AMMECR1: variants seen among roughly 807,000 people sequenced by gnomAD.
AMMECR1 encodes nuclear protein AMMECR1.
A neutral mutation model predicts 22.5 loss-of-function variants in AMMECR1; 3 were observed. The ratio of observed to expected loss-of-function variants is 0.13; its 90% confidence interval spans 0.06 to 0.35. The LOEUF is 0.35. Ranked by LOEUF, AMMECR1 falls within the 10% of genes least tolerant of loss-of-function variation. The pLI, the probability that AMMECR1 is intolerant of heterozygous loss-of-function variation, is 1.00. For missense variants in AMMECR1, 235 were observed against 278.7 expected (o/e 0.84, Z 1.12); for synonymous variants, 130 against 116.7 (o/e 1.11, Z -0.74).
chrX:110,295,357 C>T (rs755508687), intron 1 of AMMECR1, among the ~76,000 whole-genome samples: 21 of 111,404 alleles, frequency 1.9e-4, no homozygotes, highest in African/African-American at 6.2e-4. Flanking sequence ...TGCTTGAGTA[C>T]TGCAACTCCC....
intron 2 of AMMECR1, among the ~76,000 whole-genome samples, chrX:110,219,785 G>A (rs760000517): frequency 3.6e-5 from 4 of 112,172 alleles, no homozygotes; most frequent in African/African-American, 1.3e-4. Flanking sequence ...TGATTTTACA[G>A]AGACATTTAA....
chrX:110,416,340 G>A (rs942360883), intron 2 of AMMECR1, among the ~76,000 whole-genome samples: 4 of 112,072 alleles, frequency 3.6e-5, no homozygotes, highest in African/African-American at 9.7e-5. Flanking sequence ...TTGATTTAAC[G>A]AACCGTTGTT....
intron 2 of AMMECR1, among the ~76,000 whole-genome samples, chrX:110,250,313 G>C (rs763687809): frequency 4.1e-4 from 46 of 111,777 alleles, no homozygotes; most frequent in Non-Finnish European, 8.1e-4. Context: ...TGACATTGTT[G>C]GGATCACTAA....
At chrX:110,381,256 G>C (rs766833722) in intron 2 of AMMECR1, among the ~76,000 whole-genome samples, 10 of 112,063 alleles carry the variant, frequency 8.9e-5, no homozygotes, top group Non-Finnish European at 1.5e-4. Flanking sequence ...CCATTGAAAA[G>C]AGGGCAAAGG....
chrX:110,317,459 G>T, intron 1 of AMMECR1, 140 bp downstream of exon 1: 1 of 1,023,067 alleles, frequency 9.8e-7, no homozygotes, highest in Non-Finnish European at 1.3e-6. Flanking sequence ...GGTGCCCTTA[G>T]TTCAGTTGAG....
chrX:110,408,671 C>T (rs767058770), intron 2 of AMMECR1, among the ~76,000 whole-genome samples: 1 of 112,235 alleles, frequency 8.9e-6, no homozygotes, highest in African/African-American at 3.2e-5. Context: ...ATCATGTCAA[C>T]AATTGTGATG....
chrX:110,248,344 C>G (rs949850522), intron 2 of AMMECR1, among the ~76,000 whole-genome samples: 3 of 110,306 alleles, frequency 2.7e-5, no homozygotes, highest in African/African-American at 9.9e-5. Context: ...TGTGATTGCA[C>G]TACTGTACTC....
intron 1 of AMMECR1, among the ~76,000 whole-genome samples, chrX:110,269,510 A>G (rs2067787350): frequency 9.9e-6 from 1 of 101,132 alleles, no homozygotes; most frequent in Admixed American, 1.1e-4. Flanking sequence ...TAGGGTACTC[A>G]ACAAGGTTAT....
At chrX:110,352,504 T>C (rs980200183) in intron 2 of AMMECR1, among the ~76,000 whole-genome samples, 9 of 112,162 alleles carry the variant, frequency 8.0e-5, no homozygotes, top group Admixed American at 2.8e-4. Context: ...CATATCTATA[T>C]TGGCAGGAAG....
At chrX:110,428,850 G>T (rs888267541) in intron 1 of AMMECR1, among the ~76,000 whole-genome samples, 1 of 112,131 alleles carries the variant, frequency 8.9e-6, no homozygotes, top group Non-Finnish European at 1.9e-5. Context: ...TATAATCAAG[G>T]ATTTCAAGAT....
intron 2 of AMMECR1, among the ~76,000 whole-genome samples, chrX:110,334,976 A>G (rs2068135562): frequency 8.9e-6 from 1 of 112,024 alleles, no homozygotes; most frequent in African/African-American, 3.2e-5. Context: ...GCACCATTGC[A>G]CACTGATGGT....
intron 2 of AMMECR1, among the ~76,000 whole-genome samples, chrX:110,351,350 A>ACAATTTC (rs2068210520): frequency 1.8e-5 from 2 of 112,291 alleles, no homozygotes; most frequent in African/African-American, 6.5e-5. Context: ...AAAACTTACT[A>ACAATTTC]AAAAGCTACA....
At chrX:110,410,053 G>A (rs1047492788) in intron 2 of AMMECR1, among the ~76,000 whole-genome samples, 1 of 111,949 alleles carries the variant, frequency 8.9e-6, no homozygotes, top group African/African-American at 3.2e-5. Flanking sequence ...TATCACTGGT[G>A]ATTTTGATGA....
At chrX:110,395,196 G>A (rs773297922) in intron 2 of AMMECR1, among the ~76,000 whole-genome samples, 5 of 112,158 alleles carry the variant, frequency 4.5e-5, no homozygotes, top group Admixed American at 9.4e-5. Context: ...TTCCGAGGGT[G>A]CCCCCACACC....
chrX:110,271,901 T>G (rs1345467168), intron 1 of AMMECR1, among the ~76,000 whole-genome samples: 1 of 111,647 alleles, frequency 9.0e-6, no homozygotes, highest in Non-Finnish European at 1.9e-5. Context: ...GCTTTAAGGT[T>G]TGAGACTTAG....
intron 1 of AMMECR1, among the ~76,000 whole-genome samples, chrX:110,300,291 G>A (rs1264478669): frequency 8.9e-6 from 1 of 112,147 alleles, no homozygotes; most frequent in Non-Finnish European, 1.9e-5. Context: ...GTGATGTTGA[G>A]CACCTTTTCC....
intron 2 of AMMECR1, among the ~76,000 whole-genome samples, chrX:110,386,465 T>G (rs1365674408): frequency 1.8e-5 from 2 of 111,411 alleles, no homozygotes; most frequent in African/African-American, 6.5e-5. Context: ...TTCATGTGTT[T>G]ATTGACCATT....
At chrX:110,263,834 A>C (rs1447560473) in intron 2 of AMMECR1, among the ~76,000 whole-genome samples, 6 of 112,199 alleles carry the variant, frequency 5.3e-5, no homozygotes, top group African/African-American at 1.9e-4. Context: ...TTTGGGTCAC[A>C]ATTTGCTTGA....
chrX:110,288,302 G>A (rs1432418726), intron 1 of AMMECR1, among the ~76,000 whole-genome samples: 2 of 111,968 alleles, frequency 1.8e-5, no homozygotes, highest in African/African-American at 3.2e-5. Flanking sequence ...CCCTCAGCAC[G>A]ATGCCCATTC....
Sources: gnomAD v4.1 joint callset for allele counts (sites outside exome capture counted in the v4.1 genomes callset) on GRCh38, gnomAD v4.1.1 for gene constraint, MANE v1.5 for transcripts, NCBI Gene and HGNC (gene_info 2026-07-23, HGNC 2026-07-21) for gene names.